The following CCDC172 variants were observed in gnomAD, a reference collection of about 807,000 sequenced individuals.
The protein encoded by CCDC172 is coiled-coil domain-containing protein 172.
A neutral mutation model predicts 38.0 loss-of-function variants in CCDC172; 30 were observed. The observed-to-expected ratio is 0.79, with a 90% CI of 0.59 to 1.07. The LOEUF (loss-of-function observed/expected upper bound fraction) is 1.07. Among genes scored for constraint, CCDC172 ranks in the 50% least tolerant of loss-of-function variants. The pLI, the probability that CCDC172 is intolerant of heterozygous loss-of-function variation, is 0.00. For missense variants in CCDC172, 297 were observed against 290.1 expected (o/e 1.02, Z -0.17); for synonymous variants, 78 against 88.3 (o/e 0.88, Z 0.66).
chr10:116,356,009 A>C (rs545234485), intron 5 of CCDC172, among the ~76,000 whole-genome samples: 1 of 152,328 alleles, frequency 6.6e-6, no homozygotes, highest in East Asian at 1.9e-4. Flanking sequence ...TGTTTGTAAA[A>C]GGAACCAAAG....
intron 5 of CCDC172, among the ~76,000 whole-genome samples, chr10:116,350,644 A>G (rs1175530228): frequency 6.6e-6 from 1 of 152,156 alleles, no homozygotes; most frequent in Non-Finnish European, 1.5e-5. Flanking sequence ...CGAGTTGTTG[A>G]ATTCATTTTT....
At chr10:116,358,336 C>T (rs182333356) in intron 7 of CCDC172, among the ~76,000 whole-genome samples, 1 of 152,114 alleles carries the variant, frequency 6.6e-6, no homozygotes, top group East Asian at 1.9e-4. Context: ...ATTTGTTACT[C>T]TGGTTTTGTT....
At chr10:116,364,850 T>A (rs973228463) in intron 7 of CCDC172, among the ~76,000 whole-genome samples, 1 of 152,184 alleles carries the variant, frequency 6.6e-6, no homozygotes, top group African/African-American at 2.4e-5. Context: ...TGTGTACAAT[T>A]CTGTAGCTAA....
chr10:116,373,101 T>C (rs1845205720), intron 7 of CCDC172, among the ~76,000 whole-genome samples: 1 of 151,994 alleles, frequency 6.6e-6, no homozygotes, highest in Non-Finnish European at 1.5e-5. Flanking sequence ...ACTCCAGAAA[T>C]GGTTCAAATG....
intron 3 of CCDC172, among the ~76,000 whole-genome samples, chr10:116,327,541 G>C (rs1360285091): frequency 6.6e-6 from 1 of 152,040 alleles, no homozygotes; most frequent in African/African-American, 2.4e-5. Flanking sequence ...ATTAAAAAAT[G>C]TTGATTCAGT....
At chr10:116,352,105 C>T (rs575880647) in intron 5 of CCDC172, among the ~76,000 whole-genome samples, 25 of 152,226 alleles carry the variant, frequency 1.6e-4, no homozygotes, top group Non-Finnish European at 3.2e-4. Flanking sequence ...ATTCATGTTC[C>T]ATCTTGTCAC....
chr10:116,373,271 TAATG>T (rs1411581096), intron 7 of CCDC172, among the ~76,000 whole-genome samples: 3 of 151,894 alleles, frequency 2.0e-5, no homozygotes, highest in Admixed American at 6.6e-5. Flanking sequence ...AAATGAAAGA[TAATG>T]AAGATAAATA....
At chr10:116,348,989 A>G (rs12572549) in intron 5 of CCDC172, among the ~76,000 whole-genome samples, 2,928 of 152,164 alleles carry the variant, frequency 0.019, 64 homozygotes, top group East Asian at 0.11. Context: ...TATTTACAGC[A>G]ACTCCCCATC....
intron 3 of CCDC172, among the ~76,000 whole-genome samples, chr10:116,337,793 A>G (rs1844749310): frequency 6.6e-6 from 1 of 152,188 alleles, no homozygotes; most frequent in Non-Finnish European, 1.5e-5. Flanking sequence ...AAAAGAGGTG[A>G]GAAGATTTTC....
intron 5 of CCDC172, among the ~76,000 whole-genome samples, chr10:116,343,485 T>C (rs1231726014): frequency 6.6e-6 from 1 of 151,238 alleles, no homozygotes; most frequent in African/African-American, 2.4e-5. Flanking sequence ...CACTACTCTC[T>C]GTGCTCCTAT....
chr10:116,341,626 G>GT (rs1417086755), intron 4 of CCDC172, among the ~76,000 whole-genome samples: 12 of 151,840 alleles, frequency 7.9e-5, no homozygotes, highest in African/African-American at 2.7e-4. Flanking sequence ...TTGTTTGTTT[G>GT]TTTGTTTTCC....
chr10:116,351,320 A>G (rs1844928327), intron 5 of CCDC172, among the ~76,000 whole-genome samples: 1 of 152,196 alleles, frequency 6.6e-6, no homozygotes. Context: ...AAGGGAGCAG[A>G]AGGATAAACA....
rs1026456642 is a variant in CCDC172 at position 116,379,577 on chromosome 10, T to G, written c.*219T>G. 3 of 379,640 alleles carry G rather than the reference T, an allele frequency of 7.9e-6. No individual in the cohort carries two copies. Among genetic ancestry groups the G allele is most frequent in the African/African-American group, 2.1e-5 (1 of 47,578 alleles). The allele number at this position is 379,640 out of a possible 1,614,324, so 23.5% of individuals were successfully genotyped here. Reference sequence around the variant, plus strand: ...TTAAGAGTTCTTCTGTGGTTTGATTTTGTTTCTAAAAGAAGGAAAAGGAGA... The same window carrying G: ...TTAAGAGTTCTTCTGTGGTTTGATTGTGTTTCTAAAAGAAGGAAAAGGAGA... On this transcript the variant is annotated 3_prime_UTR_variant, in exon 9 of 9. Transcript: ENST00000333254.
chr10:116,334,993 A>G (rs1465419145), intron 3 of CCDC172, among the ~76,000 whole-genome samples: 2 of 151,846 alleles, frequency 1.3e-5, no homozygotes, highest in Non-Finnish European at 2.9e-5. Context: ...CTAGCTTTTT[A>G]TTATAGATAT....
chr10:116,368,473 C>A (rs1372213491), intron 7 of CCDC172, among the ~76,000 whole-genome samples: 1 of 151,874 alleles, frequency 6.6e-6, no homozygotes, highest in Admixed American at 6.6e-5. Context: ...ACTCATGCAC[C>A]TTTTAAAGTT....
At chr10:116,358,244 T>A (rs746050295) in intron 7 of CCDC172, among the ~76,000 whole-genome samples, 7 of 152,120 alleles carry the variant, frequency 4.6e-5, no homozygotes, top group Non-Finnish European at 8.8e-5. Context: ...ATTCCTAACT[T>A]TTGGCGGGAA....
chr10:116,329,618 C>A (rs532921593), intron 3 of CCDC172, among the ~76,000 whole-genome samples: 1 of 152,226 alleles, frequency 6.6e-6, no homozygotes, highest in Non-Finnish European at 1.5e-5. Context: ...CCCCAAGACA[C>A]TTTCAGGGAG....
intron 5 of CCDC172, 76 bp from the exon 6 acceptor site, chr10:116,357,304 T>C: frequency 2.4e-6 from 2 of 831,150 alleles, no homozygotes; most frequent in South Asian, 1.7e-5. Context: ...TAGTTTTTAG[T>C]GTACAGGTCT....
At chr10:116,354,094 C>T (rs1275004602) in intron 5 of CCDC172, among the ~76,000 whole-genome samples, 1 of 152,078 alleles carries the variant, frequency 6.6e-6, no homozygotes. Context: ...GACAGTGGTG[C>T]AATAAGATTA....
Sources: allele counts gnomAD v4.1 joint callset (sites outside exome capture counted in the v4.1 genomes callset), GRCh38; gene constraint gnomAD v4.1.1; transcripts MANE v1.5; gene names NCBI Gene and HGNC (gene_info 2026-07-23, HGNC 2026-07-21).